STK35: variants seen among roughly 807,000 people sequenced by gnomAD.
STK35 encodes the protein serine/threonine-protein kinase 35.
STK35 carries 17 observed loss-of-function variants against 37.3 expected under a neutral mutation model. That is an observed-to-expected ratio of 0.46 (90% CI 0.31 to 0.68). STK35 has a LOEUF of 0.68. Ranked by LOEUF, STK35 falls within the 30% of genes least tolerant of loss-of-function variation. The pLI, the probability that STK35 is intolerant of heterozygous loss-of-function variation, is 0.05. For synonymous variants in STK35, 385 were observed against 319.1 expected, an observed-to-expected ratio of 1.21 and a Z score of -2.20; for missense variants, 595 against 746.7, an observed-to-expected ratio of 0.80 and a Z score of 2.37.
At position 2,117,456 on chromosome 20, in the gene STK35, G is replaced by A; in HGVS notation, c.*37+41G>A. On this transcript the variant is annotated intron_variant, in intron 3 of 3. Transcript: ENST00000381482. This position sits in a 1 kb window ranked among gnomAD's most constrained non-coding sequence, Gnocchi z 4.4. ...TGTTGTTTTTTGTTTTTTGTTTTGA[G>A]ACAGGGTCTCACTCTGTTGGTCAGG... 8.1e-7 allele frequency: 1 copy of A among 1,233,194 alleles called. No individual in the cohort carries two copies. Among genetic ancestry groups the A allele is most frequent in the Non-Finnish European group, 1.1e-6 (1 of 884,598 alleles). 76.4% of individuals were successfully genotyped at this position (1,233,194 alleles called of 1,614,324 possible). A position where few individuals can be genotyped will look rare whatever the true frequency, so the allele number is the denominator to read the frequency against.
chr20:2,109,686 C>T (rs1431499393), intron 2 of STK35, among the ~76,000 whole-genome samples: 1 of 152,202 alleles, frequency 6.6e-6, no homozygotes, highest in Non-Finnish European at 1.5e-5. Context: ...ATAATTCACA[C>T]CCAGTAGCAG....
At chr20:2,138,190 C>A (rs1986117152) in intron 3 of STK35, among the ~76,000 whole-genome samples, 1 of 152,158 alleles carries the variant, frequency 6.6e-6, no homozygotes, top group South Asian at 2.1e-4. Context: ...TAATACCCCA[C>A]TTTGAGTTTA....
At chr20:2,111,064 A>G (rs1432972850) in intron 2 of STK35, among the ~76,000 whole-genome samples, 1 of 152,138 alleles carries the variant, frequency 6.6e-6, no homozygotes, top group East Asian at 1.9e-4. Flanking sequence ...TTTCCATCTT[A>G]TGTGACAAGT....
Position 2,117,513 on chromosome 20 carries a change from C to G in STK35, c.*37+98C>G. On this transcript the variant is annotated intron_variant, in intron 3 of 3. Transcript: ENST00000381482. The surrounding 1 kb of genome is among the most constrained non-coding windows in gnomAD (Gnocchi z 4.4). The stretch of plus-strand genomic sequence containing the variant: ...TGCAGCGGGTGCAGTGGCAGGATCT[C>G]AGCTCACTGCAACCTCCACCTCCCG... 1.6e-6 allele frequency: 1 copy of G among 642,348 alleles called. No individual in the cohort carries two copies. The highest frequency in any genetic ancestry group is 2.8e-5 in the East Asian group (1 of 35,512). The allele number at this position is 642,348 out of a possible 1,614,324, so 39.8% of individuals were successfully genotyped here. A position where few individuals can be genotyped will look rare whatever the true frequency, so the allele number is the denominator to read the frequency against.
At chr20:2,119,475 T>C (rs1985778679) in intron 3 of STK35, among the ~76,000 whole-genome samples, 1 of 152,240 alleles carries the variant, frequency 6.6e-6, no homozygotes, top group African/African-American at 2.4e-5. Context: ...CAGAATAGTT[T>C]AGTTGGACTG....
At chr20:2,136,558 G>A (rs1986090107) in intron 3 of STK35, among the ~76,000 whole-genome samples, 1 of 152,228 alleles carries the variant, frequency 6.6e-6, no homozygotes, top group Non-Finnish European at 1.5e-5. Flanking sequence ...GCACTTGGCA[G>A]TGATGCAGGA....
Position 2,102,019 on chromosome 20 carries a change from C to G in STK35, c.138C>G (p.Ser46Arg). The G allele has an allele frequency of 2.6e-6, 4 of 1,527,200 alleles. No homozygotes were observed. Among genetic ancestry groups the G allele is most frequent in the Non-Finnish European group, 3.5e-6 (4 of 1,142,722 alleles). The allele number at this position is 1,527,200 out of a possible 1,614,324, so 94.6% of individuals were successfully genotyped here. A position where few individuals can be genotyped will look rare whatever the true frequency, so the allele number is the denominator to read the frequency against. ...GSLGAQASPASAAAAEGSATR... is the reference protein window; with the variant it reads ...GSLGAQASPARAAAAEGSATR... ...TAGGAGCCCAGGCTTCCCCAGCGAG[C>G]GCCGCGGCAGCAGAAGGATCCGCTA... The change falls in exon 1 of 4, where the codon AGC (serine) becomes AGG (arginine). Residue 46 changes from serine to arginine, a missense_variant. Ser to Arg is a moderately radical substitution (Grantham distance 110, BLOSUM62 -1). This residue lies in a region of STK35 where 389 missense variants were observed against 320.0 expected (regional missense o/e 1.22). Coordinates refer to ENST00000381482, the MANE Select transcript of STK35 (RefSeq NM_080836.4).
At chr20:2,114,779 C>A (rs1985684775) in intron 2 of STK35, among the ~76,000 whole-genome samples, 1 of 152,194 alleles carries the variant, frequency 6.6e-6, no homozygotes, top group South Asian at 2.1e-4. Flanking sequence ...TAGTTACTAA[C>A]TTTGTATATA....
intron 3 of STK35, among the ~76,000 whole-genome samples, chr20:2,132,368 G>T (rs1033134294): frequency 2.6e-5 from 4 of 152,264 alleles, no homozygotes; most frequent in Admixed American, 2.0e-4. Context: ...GCCATAGCAC[G>T]TCCAAAGACA....
intron 3 of STK35, among the ~76,000 whole-genome samples, chr20:2,134,519 T>A (rs1986052842): frequency 6.6e-6 from 1 of 152,186 alleles, no homozygotes. Flanking sequence ...ATAAGGGGCC[T>A]ATAGAGGGCC....
At chr20:2,127,684 G>A (rs1205491276) in intron 3 of STK35, among the ~76,000 whole-genome samples, 3 of 152,030 alleles carry the variant, frequency 2.0e-5, no homozygotes, top group African/African-American at 4.8e-5. Flanking sequence ...TAGGGGCCAG[G>A]GTACCAACAG....
At chr20:2,103,702 C>T (rs569993129) in intron 2 of STK35, among the ~76,000 whole-genome samples, 57 of 152,248 alleles carry the variant, frequency 3.7e-4, no homozygotes, top group African/African-American at 1.3e-3. Context: ...GGGTCGGGTT[C>T]AGTTAGTAGC....
intron 3 of STK35, among the ~76,000 whole-genome samples, chr20:2,124,854 GTATTT>G: frequency 6.6e-6 from 1 of 152,244 alleles, no homozygotes; most frequent in African/African-American, 2.4e-5. Flanking sequence ...GGGAAGGCTG[GTATTT>G]TATTTTTTTT....
In STK35 at chr20:2,117,440, T is replaced by C. The variant is rs1316292243; in HGVS notation, c.*37+25T>C. The C allele has an allele frequency of 1.0e-5, 14 of 1,387,834 alleles. No homozygotes were observed. Among genetic ancestry groups the C allele is most frequent in the Non-Finnish European group, 1.3e-5 (13 of 1,017,286 alleles). The allele number at this position is 1,387,834 out of a possible 1,614,324, so 86.0% of individuals were successfully genotyped here. A position where few individuals can be genotyped will look rare whatever the true frequency, so the allele number is the denominator to read the frequency against. On this transcript the variant is annotated intron_variant, in intron 3 of 3. Coordinates refer to ENST00000381482, the MANE Select transcript of STK35 (RefSeq NM_080836.4). This position sits in a 1 kb window ranked among gnomAD's most constrained non-coding sequence, Gnocchi z 4.4. ...GGTGAGTGCTCTCTGTTGTTGTTTT[T>C]TGTTTTTTGTTTTGAGACAGGGTCT...
intron 3 of STK35, among the ~76,000 whole-genome samples, chr20:2,141,356 C>T (rs1008529686): frequency 5.9e-5 from 9 of 152,094 alleles, no homozygotes; most frequent in Middle Eastern, 3.2e-3. Flanking sequence ...AGACTGGGCC[C>T]GAGAAATCCT....
intron 2 of STK35, among the ~76,000 whole-genome samples, chr20:2,105,497 A>G (rs1251493103): frequency 3.9e-5 from 6 of 152,234 alleles, no homozygotes; most frequent in Non-Finnish European, 7.3e-5. Flanking sequence ...GCAGCATAGC[A>G]TAGTGGTTAG....
chr20:2,103,455 G>A, intron 2 of STK35, 90 bp downstream of exon 2: 2 of 1,302,858 alleles, frequency 1.5e-6, no homozygotes, highest in South Asian at 1.4e-5. Flanking sequence ...GGCCTTCCTA[G>A]GCCTCAGACC....
chr20:2,143,720 G>T (rs541799951), intron 3 of STK35, 64 bp from the exon 4 acceptor site: 2 of 339,040 alleles, frequency 5.9e-6, no homozygotes, highest in Non-Finnish European at 1.1e-5. Flanking sequence ...GTTCCTCTGG[G>T]TTGAGGGCTG....
Position 2,117,531 on chromosome 20 carries a change from AC to A in STK35, c.*37+118del, listed in dbSNP as rs1985738272. On this transcript the variant is annotated intron_variant, in intron 3 of 3. Transcript: ENST00000381482. The surrounding 1 kb of genome is among the most constrained non-coding windows in gnomAD (Gnocchi z 4.4). ...AGGATCTCAGCTCACTGCAACCTCC[AC>A]CTCCCGAGTTCAAGTGATTCTCGTG... 7.0e-6 allele frequency: 4 copies of A among 574,828 alleles called. No homozygotes were observed. The East Asian group carries it at 1.2e-4, about 17-fold the overall frequency. The allele number at this position is 574,828 out of a possible 1,614,324, so 35.6% of individuals were successfully genotyped here. A position where few individuals can be genotyped will look rare whatever the true frequency, so the allele number is the denominator to read the frequency against.
Sources: gnomAD v4.1 joint callset for allele counts (sites outside exome capture counted in the v4.1 genomes callset) on GRCh38, gnomAD v4.1.1 for gene constraint, gnomAD v4.1.1 regional missense constraint, Gnocchi (gnomAD v3.1) non-coding constraint, MANE v1.5 for transcripts, NCBI Gene and HGNC (gene_info 2026-07-23, HGNC 2026-07-21) for gene names.